Variants in MED13L observed in about 807,000 individuals in gnomAD.
MED13L encodes mediator of RNA polymerase II transcription subunit 13-like.
In MED13L, 7 loss-of-function variants were observed where a neutral mutation model predicts 220.9. The ratio of observed to expected loss-of-function variants is 0.03; its 90% CI spans 0.02 to 0.06. MED13L has a LOEUF of 0.06. Ranked by LOEUF, MED13L falls within the 10% of genes least tolerant of loss-of-function variation. The pLI is 1.00. For missense variants in MED13L, 1,965 were observed against 2,760.5 expected (o/e 0.71, Z 6.46); for synonymous variants, 1,011 against 1,015.2 (o/e 1.00, Z 0.08).
At position 115,991,276 on chromosome 12, in the gene MED13L, G is replaced by A; in HGVS notation, c.3678C>T (p.Leu1226=). The part of the protein sequence containing the change: ...KKPQEPPISL[L]LLLQNQHTQP... The stretch of plus-strand genomic sequence containing the variant: ...GTGTGTGTTGATTCTGGAGGAGGAG[G>A]AGAAGGCTTATGGGTGGCTCCTGGG... Residue 1226 remains leucine, a synonymous_variant, in exon 17 of 31, where the codon CTC becomes CTT. Coordinates refer to ENST00000281928, the MANE Select transcript of MED13L (RefSeq NM_015335.5). The surrounding 1 kb of genome is among the most constrained non-coding windows in gnomAD (Gnocchi z 7.7). The A allele has an allele frequency of 6.2e-7, 1 of 1,614,148 alleles. No homozygotes were observed. The highest frequency in any genetic ancestry group is 2.2e-5 in the East Asian group (1 of 44,878).
At chr12:116,146,249 A>C (rs1877503698) in intron 2 of MED13L, among the ~76,000 whole-genome samples, 1 of 151,986 alleles carries the variant, frequency 6.6e-6, no homozygotes, top group African/African-American at 2.4e-5. Context: ...CAGCCTCCCA[A>C]GTAGCTGGGA....
At chr12:116,069,037 C>G (rs898498713) in intron 4 of MED13L, among the ~76,000 whole-genome samples, 12 of 152,198 alleles carry the variant, frequency 7.9e-5, no homozygotes, top group African/African-American at 2.9e-4. Flanking sequence ...TGAGAAAACT[C>G]ATGCCCCAAG....
rs1173196797 is a variant in MED13L, at chr12:116,031,675, AAAAAG to A, written c.480-9079_480-9075del. 2.5e-3 allele frequency among the ~76,000 whole-genome samples: 169 copies of A among 68,104 alleles called. 6 individuals carry two copies. Among genetic ancestry groups the A allele is most frequent in the Middle Eastern group, 7.2e-3 (1 of 138 alleles). The allele number at this position is 68,104 out of a possible 152,430, so 44.7% of individuals were successfully genotyped here. A position where few individuals can be genotyped will look rare whatever the true frequency, so the allele number is the denominator to read the frequency against. ...GGACGGGACGGGACGGGAGAAAAGA[AAAAAG>A]AAAAGAAAAGAAAAGAAAAGAAAAG... On this transcript the variant is annotated intron_variant, in intron 4 of 30. Coordinates refer to ENST00000281928, the MANE Select transcript of MED13L (RefSeq NM_015335.5).
chr12:116,022,387 C>T, intron 5 of MED13L, 69 bp downstream of exon 5: 2 of 1,588,170 alleles, frequency 1.3e-6, no homozygotes, highest in South Asian at 2.2e-5. Flanking sequence ...CCCTGCAAAA[C>T]TTTACTGGGC....
chr12:116,118,638 CAG>C (rs1174418181), intron 2 of MED13L, among the ~76,000 whole-genome samples: 1 of 152,052 alleles, frequency 6.6e-6, no homozygotes, highest in Non-Finnish European at 1.5e-5. Flanking sequence ...TTCTCATGAT[CAG>C]AGTTTCCAGA....
Position 115,984,330 on chromosome 12 carries a change from G to T in MED13L, c.4381C>A (p.Arg1461Ser). 1 of 1,614,060 alleles carries T rather than the reference G, an allele frequency of 6.2e-7. No homozygotes were observed. Among genetic ancestry groups the T allele is most frequent in the Non-Finnish European group, 8.5e-7 (1 of 1,180,012 alleles). The change falls in exon 20 of 31, where the codon CGT becomes AGT. Residue 1461 changes from arginine (R) to serine (S), a missense_variant. By Grantham distance (110) the Arg-to-Ser change is moderately radical (BLOSUM62 -1). This residue lies in a region of MED13L where 510 missense variants were observed against 620.4 expected (regional missense o/e 0.82). Transcript: ENST00000281928. Reference sequence around the variant, plus strand: ...TTTCCCACGCGCATGATCCCGTCACGTAGCACTTTGCAGATGGGCTTGTGC... The same window carrying T: ...TTTCCCACGCGCATGATCCCGTCACTTAGCACTTTGCAGATGGGCTTGTGC... ...GQHKPICKVLRDGIMRVGKTV... is the reference protein window; with the variant it reads ...GQHKPICKVLSDGIMRVGKTV...
At chr12:116,260,673 C>T (rs988391371) in intron 1 of MED13L, among the ~76,000 whole-genome samples, 1 of 152,140 alleles carries the variant, frequency 6.6e-6, no homozygotes, top group Non-Finnish European at 1.5e-5. Flanking sequence ...ATGATAAACA[C>T]TGGTTTGTGG....
chr12:116,237,365 T>G (rs1870183348), intron 2 of MED13L, 103 bp downstream of exon 2: 1 of 949,130 alleles, frequency 1.1e-6, no homozygotes, highest in Admixed American at 2.0e-5. Context: ...ATGAAACACT[T>G]AAGATCGTTC....
At position 115,984,279 on chromosome 12, in the gene MED13L, C is replaced by T; in HGVS notation, c.4432G>A (p.Glu1478Lys). ...GKTVAQKLTD[E>K]LVSEWFNQPW... The stretch of plus-strand genomic sequence containing the variant: ...TGGTTAAACCACTCACTCACAAGCT[C>T]ATCTGTCAGCTTCTGTGCCACAGTT... The change falls in exon 20 of 31, where the codon GAG (glutamate) becomes AAG (lysine). Residue 1478 changes from glutamate to lysine, a missense_variant. By Grantham distance (56) the Glu-to-Lys change is moderately conservative. Around this residue, in one of 10 missense-constraint regions of MED13L, gnomAD observed 510 missense variants for 620.4 expected, o/e 0.82. Coordinates refer to ENST00000281928, the MANE Select transcript of MED13L (RefSeq NM_015335.5). The T allele has an allele frequency of 6.2e-7, 1 of 1,614,104 alleles. No homozygotes were observed. Among genetic ancestry groups the T allele is most frequent in the Non-Finnish European group, 8.5e-7 (1 of 1,179,996 alleles).
intron 2 of MED13L, among the ~76,000 whole-genome samples, chr12:116,160,082 TA>T (rs936053494): frequency 1.1e-4 from 17 of 152,122 alleles, no homozygotes; most frequent in Non-Finnish European, 2.2e-4. Flanking sequence ...TAATATAAAC[TA>T]AAAAAATAAT....
intron 28 of MED13L, among the ~76,000 whole-genome samples, chr12:115,966,518 C>T (rs1876173521): frequency 6.6e-6 from 1 of 152,174 alleles, no homozygotes; most frequent in Non-Finnish European, 1.5e-5. Context: ...TATTTCATGG[C>T]ATTATGATGT....
chr12:115,984,379 T>A lies in MED13L; in HGVS notation c.4339-7A>T. 6.2e-7 allele frequency: 1 copy of A among 1,613,958 alleles called. No individual in the cohort carries two copies. The highest frequency in any genetic ancestry group is 8.5e-7 in the Non-Finnish European group (1 of 1,179,940). ...GCTGCCCAAGCCTACACATCTGATA[T>A]CATAGACAAGATCATTAGTTATAAC... is the stretch of plus-strand genomic sequence containing the variant. On this transcript the variant is annotated splice_polypyrimidine_tract_variant and splice_region_variant and intron_variant, in intron 19 of 30. Transcript: ENST00000281928.
intron 2 of MED13L, among the ~76,000 whole-genome samples, chr12:116,122,350 A>T (rs570066368): frequency 2.5e-4 from 38 of 152,312 alleles, no homozygotes; most frequent in Admixed American, 1.1e-3. Flanking sequence ...ATGACTTACA[A>T]CACTACACCA....
At chr12:116,224,006 T>C (rs1868708626) in intron 2 of MED13L, among the ~76,000 whole-genome samples, 2 of 152,190 alleles carry the variant, frequency 1.3e-5, no homozygotes, top group African/African-American at 4.8e-5. Flanking sequence ...GGAATTACGT[T>C]CCAATTTTAG....
chr12:116,124,142 G>GAGACAGAGAC (rs1565888788), intron 2 of MED13L, among the ~76,000 whole-genome samples: 3 of 115,652 alleles, frequency 2.6e-5, no homozygotes, highest in African/African-American at 8.9e-5. Flanking sequence ...GAGAGAGAGA[G>GAGACAGAGAC]AGAGAGAGAC....
chr12:116,226,469 G>A (rs1869009960), intron 2 of MED13L, among the ~76,000 whole-genome samples: 1 of 152,184 alleles, frequency 6.6e-6, no homozygotes, highest in Admixed American at 6.5e-5. Context: ...AACACTTACT[G>A]GCCATAATGA....
intron 4 of MED13L, among the ~76,000 whole-genome samples, chr12:116,040,791 T>A: frequency 1.5e-5 from 2 of 137,588 alleles, no homozygotes; most frequent in Non-Finnish European, 1.6e-5. Context: ...TGTTTAGGAG[T>A]CCTCAAAAAA....
At chr12:116,003,242 A>G in intron 13 of MED13L, 140 bp from the exon 14 acceptor site, 1 of 720,268 alleles carries the variant, frequency 1.4e-6, no homozygotes, top group East Asian at 2.7e-5. Context: ...ATACCAACAG[A>G]TAGTGAAACA....
At chr12:116,159,516 C>T (rs1565905616) in intron 2 of MED13L, among the ~76,000 whole-genome samples, 1 of 152,052 alleles carries the variant, frequency 6.6e-6, no homozygotes, top group Non-Finnish European at 1.5e-5. Flanking sequence ...AAAGAAAAAT[C>T]TTCTATAATT....
Sources: gnomAD v4.1 joint callset for allele counts (sites outside exome capture counted in the v4.1 genomes callset) on GRCh38, gnomAD v4.1.1 for gene constraint, gnomAD v4.1.1 regional missense constraint, Gnocchi (gnomAD v3.1) non-coding constraint, MANE v1.5 for transcripts, NCBI Gene and HGNC (gene_info 2026-07-23, HGNC 2026-07-21) for gene names.